The following IQSEC1 variants were observed in gnomAD, a reference collection of about 807,000 sequenced individuals.
IQSEC1 encodes the protein IQ motif and SEC7 domain-containing protein 1.
Under a neutral mutation model 91.0 loss-of-function variants are expected in IQSEC1, and 31 were observed. That is an observed-to-expected ratio of 0.34 (90% CI 0.26 to 0.46). IQSEC1 has a LOEUF of 0.46. Among genes scored for constraint, IQSEC1 ranks in the 20% least tolerant of loss-of-function variants. The pLI is 1.00. For missense variants in IQSEC1, 1,388 were observed against 1,575.6 expected, an observed-to-expected ratio of 0.88 and a Z score of 2.02; for synonymous variants, 699 against 662.6, an observed-to-expected ratio of 1.05 and a Z score of -0.84.
intron 2 of IQSEC1, among the ~76,000 whole-genome samples, chr3:13,117,766 T>A (rs1217136685): frequency 1.4e-5 from 2 of 146,614 alleles, no homozygotes; most frequent in African/African-American, 5.1e-5. Flanking sequence ...GCACCTGTAG[T>A]CCCAGGTACT....
chr3:12,992,992 C>T lies in IQSEC1; in HGVS notation c.24-51127G>A, dbSNP rs1023034304. ...TTGTAGCGGGAGGTTGCGGTGGGGG[C>T]GGGGGTCCCACACTCTAAGACCCTG... On this transcript the variant is annotated intron_variant, in intron 1 of 13. Transcript: ENST00000613206. This position sits in a 1 kb window ranked among gnomAD's most constrained non-coding sequence, Gnocchi z 4.1. 6.6e-6 allele frequency among the ~76,000 whole-genome samples: 1 copy of T among 151,972 alleles called. No individual in the cohort carries two copies. The highest frequency in any genetic ancestry group is 2.4e-5 in the African/African-American group (1 of 41,348).
Position 12,936,668 on chromosome 3 carries a change from C to A in IQSEC1, c.348G>T (p.Gly116=). Residue 116 remains glycine, a synonymous_variant, in exon 3 of 14, where the codon GGG becomes GGT. Transcript: ENST00000613206. The part of the protein sequence containing the change: ...QVEMLERKYG[G]RLVTRHAART... ...GGGCCGCATGGCGGGTTACCAGGCG[C>A]CCCCCATACTTTCGTTCTAGCATCT... 6.3e-7 allele frequency: 1 copy of A among 1,593,128 alleles called. No individual in the cohort carries two copies. Among genetic ancestry groups the A allele is most frequent in the Non-Finnish European group, 8.6e-7 (1 of 1,169,360 alleles).
chr3:13,069,749 G>A (rs1292143105), intron 1 of IQSEC1, among the ~76,000 whole-genome samples: 1 of 152,210 alleles, frequency 6.6e-6, no homozygotes, highest in African/African-American at 2.4e-5. Context: ...CATGAGGACA[G>A]AGGGGCCCCT....
chr3:13,036,014 C>CTGGG (rs1343231871), intron 1 of IQSEC1, among the ~76,000 whole-genome samples: 1 of 152,150 alleles, frequency 6.6e-6, no homozygotes, highest in Non-Finnish European at 1.5e-5. Flanking sequence ...GAGTGAGTGG[C>CTGGG]TGGGTGGGTG....
At chr3:13,126,471 C>A (rs905087194) in intron 2 of IQSEC1, among the ~76,000 whole-genome samples, 20 of 152,244 alleles carry the variant, frequency 1.3e-4, no homozygotes, top group Non-Finnish European at 2.4e-4. Context: ...TTGAATTACA[C>A]TGCTAAGTAT....
intron 1 of IQSEC1, among the ~76,000 whole-genome samples, chr3:13,253,421 A>G (rs1695233445): frequency 6.6e-6 from 1 of 152,318 alleles, no homozygotes; most frequent in Non-Finnish European, 1.5e-5. Context: ...GAGGCAGCTT[A>G]GCCAAGATGG....
chr3:13,276,053 T>G (rs982502604), intron 1 of IQSEC1, among the ~76,000 whole-genome samples: 2 of 149,414 alleles, frequency 1.3e-5, no homozygotes, highest in African/African-American at 2.5e-5. Flanking sequence ...AATAAAACAT[T>G]GAGGGAAAAC....
At chr3:13,016,234 C>T (rs1243784385) in intron 1 of IQSEC1, among the ~76,000 whole-genome samples, 4 of 152,250 alleles carry the variant, frequency 2.6e-5, no homozygotes, top group Non-Finnish European at 5.9e-5. Flanking sequence ...CAGGCCCCTC[C>T]TCCAGGAAGC....
chr3:13,084,505 G>A (rs947655794), intron 2 of IQSEC1, among the ~76,000 whole-genome samples: 1 of 152,216 alleles, frequency 6.6e-6, no homozygotes, highest in Non-Finnish European at 1.5e-5. Flanking sequence ...ATAAAAATCT[G>A]CCTCGTGGGG....
At chr3:13,071,763 C>T (rs1263916193) in intron 1 of IQSEC1, among the ~76,000 whole-genome samples, 2 of 146,976 alleles carry the variant, frequency 1.4e-5, no homozygotes, top group Non-Finnish European at 3.0e-5. Flanking sequence ...GGCCGCCATC[C>T]CCCGAACCAG....
chr3:12,903,822 A>G (rs1694655889), intron 12 of IQSEC1, among the ~76,000 whole-genome samples: 1 of 152,228 alleles, frequency 6.6e-6, no homozygotes, highest in East Asian at 1.9e-4. Flanking sequence ...TCTGGGCAGC[A>G]TCACCATGTA....
intron 2 of IQSEC1, among the ~76,000 whole-genome samples, chr3:13,145,448 C>G (rs995152778): frequency 1.2e-4 from 18 of 152,176 alleles, no homozygotes; most frequent in Non-Finnish European, 2.5e-4. Flanking sequence ...AGGGAAGCAT[C>G]TTCTTTTTGG....
At chr3:13,043,253 C>T (rs112959662) in intron 1 of IQSEC1, among the ~76,000 whole-genome samples, 1,778 of 152,234 alleles carry the variant, frequency 0.012, 22 homozygotes, top group African/African-American at 0.038. Context: ...GGCCAGGGGA[C>T]CTGGCAGTCA....
upstream of IQSEC1, among the ~76,000 whole-genome samples, chr3:13,074,259 A>T (rs1178276085): frequency 1.3e-5 from 2 of 152,174 alleles, no homozygotes; most frequent in Admixed American, 6.5e-5. Flanking sequence ...GACTCGGATG[A>T]CGCAAGAAGC....
intron 1 of IQSEC1, among the ~76,000 whole-genome samples, chr3:13,070,233 C>T (rs458653): frequency 0.52 from 78,315 of 151,816 alleles, 20,402 homozygotes; most frequent in East Asian, 0.66. Context: ...GCCAAATGTA[C>T]GGCAGGAAAC....
At chr3:13,040,965 T>C (rs1704238955) in intron 1 of IQSEC1, among the ~76,000 whole-genome samples, 1 of 152,080 alleles carries the variant, frequency 6.6e-6, no homozygotes, top group Non-Finnish European at 1.5e-5. Flanking sequence ...GGCGTCTGCA[T>C]GGACTGAGAC....
At chr3:13,124,233 A>T (rs554976739) in intron 2 of IQSEC1, among the ~76,000 whole-genome samples, 83 of 152,292 alleles carry the variant, frequency 5.5e-4, no homozygotes, top group Non-Finnish European at 1.0e-3. Flanking sequence ...CTTCACCTGC[A>T]CCTTGGCTGC....
In IQSEC1 at chr3:12,900,432, C is replaced by T. The variant is rs911085343; in HGVS notation, c.*551G>A. 2 of 932,944 alleles carry T rather than the reference C, an allele frequency of 2.1e-6. No homozygotes were observed. Among genetic ancestry groups the T allele is most frequent in the African/African-American group, 1.8e-5 (1 of 55,820 alleles). The allele number at this position is 932,944 out of a possible 1,614,324, so 57.8% of individuals were successfully genotyped here. ...TGGACTGAAACGCCTGCCTTTCACACACAAGTACTACCTATACAGTATATA... is the reference window on the plus strand; with the variant it reads ...TGGACTGAAACGCCTGCCTTTCACATACAAGTACTACCTATACAGTATATA... On this transcript the variant is annotated 3_prime_UTR_variant, in exon 14 of 14. Transcript: ENST00000613206.
chr3:13,130,922 CAA>C (rs71066945), intron 2 of IQSEC1, among the ~76,000 whole-genome samples: 3 of 111,292 alleles, frequency 2.7e-5, no homozygotes, highest in Admixed American at 1.0e-4. Flanking sequence ...GACCATGTGT[CAA>C]AAAAAAAAAA....
Sources: allele counts gnomAD v4.1 joint callset (sites outside exome capture counted in the v4.1 genomes callset), GRCh38; gene constraint gnomAD v4.1.1; non-coding constraint Gnocchi (gnomAD v3.1); transcripts MANE v1.5; gene names NCBI Gene and HGNC (gene_info 2026-07-23, HGNC 2026-07-21).